Variants in ARHGAP26 observed in about 807,000 individuals in gnomAD.
ARHGAP26 encodes the protein rho GTPase-activating protein 26.
Under a neutral mutation model 104.8 loss-of-function variants are expected in ARHGAP26, and 38 were observed. The observed-to-expected ratio is 0.36, with a 90% CI of 0.28 to 0.48. The LOEUF (loss-of-function observed/expected upper bound fraction) is 0.48, where lower values mean the gene tolerates loss of function less well. ARHGAP26 is among the 20% of genes least tolerant of loss of function. The pLI, the probability that ARHGAP26 is intolerant of heterozygous loss-of-function variation, is 0.99. For missense variants in ARHGAP26, 704 were observed against 947.9 expected, an observed-to-expected ratio of 0.74 and a Z score of 3.38; for synonymous variants, 341 against 340.0, an observed-to-expected ratio of 1.00 and a Z score of -0.03.
intron 1 of ARHGAP26, among the ~76,000 whole-genome samples, chr5:142,870,635 T>A (rs567213474): frequency 1.3e-5 from 2 of 152,374 alleles, no homozygotes; most frequent in Admixed American, 1.3e-4. Flanking sequence ...CAGCTATACC[T>A]AGAACTGAGT....
At chr5:143,165,546 T>C (rs1801818036) in intron 20 of ARHGAP26, 2 of 152,294 alleles carry the variant, frequency 1.3e-5, no homozygotes, top group South Asian at 4.1e-4. Context: ...TATTAGTTGT[T>C]TTACAATGAT....
intron 20 of ARHGAP26, among the ~76,000 whole-genome samples, chr5:143,194,613 G>A (rs1806489827): frequency 6.6e-6 from 1 of 151,626 alleles, no homozygotes; most frequent in East Asian, 1.9e-4. Context: ...ATTGTGTTTT[G>A]CCATGTCCAT....
intron 1 of ARHGAP26, among the ~76,000 whole-genome samples, chr5:142,843,752 A>G (rs1457979189): frequency 6.6e-6 from 1 of 152,198 alleles, no homozygotes; most frequent in Non-Finnish European, 1.5e-5. Flanking sequence ...AATCTCTCAT[A>G]ACCTCTACCT....
rs980674649 is a variant in ARHGAP26, at chr5:143,085,419, G to A, written c.1538+27672G>A. Among the ~76,000 whole-genome samples the A allele has an allele frequency of 7.2e-5, 11 of 152,098 alleles. 1 individual carries two copies. The highest frequency in any genetic ancestry group is 2.4e-4 in the African/African-American group (10 of 41,414). ...GAGAAATTAGTTGAGAAAAAAGAGG[G>A]GGACAAGAGGGAAGAGAGTTCCAGT... On this transcript the variant is annotated intron_variant, in intron 17 of 22. Transcript: ENST00000645722.
intron 10 of ARHGAP26, among the ~76,000 whole-genome samples, chr5:142,924,559 A>C (rs78719557): frequency 0.03 from 4,581 of 152,302 alleles, 84 homozygotes; most frequent in South Asian, 0.056. Flanking sequence ...CACATAATAA[A>C]CACTCAGTAA....
chr5:143,079,903 C>T (rs1010496570), intron 17 of ARHGAP26, among the ~76,000 whole-genome samples: 2 of 152,166 alleles, frequency 1.3e-5, no homozygotes, highest in African/African-American at 4.8e-5. Context: ...CATGTTGCCT[C>T]ACATGGTCTT....
intron 1 of ARHGAP26, among the ~76,000 whole-genome samples, chr5:142,855,407 A>G (rs796854524): frequency 2.0e-5 from 3 of 152,260 alleles, no homozygotes; most frequent in African/African-American, 7.2e-5. Context: ...CCACTTAAGG[A>G]GGCTCTCGTA....
At chr5:142,956,310 T>C (rs539827919) in intron 11 of ARHGAP26, among the ~76,000 whole-genome samples, 441 of 152,258 alleles carry the variant, frequency 2.9e-3, no homozygotes, top group Non-Finnish European at 5.3e-3. Flanking sequence ...GCACAGTGGC[T>C]CATGCCTGTA....
chr5:142,822,668 C>T (rs1357108875), intron 1 of ARHGAP26, among the ~76,000 whole-genome samples: 1 of 152,004 alleles, frequency 6.6e-6, no homozygotes, highest in Non-Finnish European at 1.5e-5. Flanking sequence ...ACACACCATA[C>T]ATATATGTAT....
rs1008897096 is a variant in ARHGAP26 at position 143,225,311 on chromosome 5, C to T, written c.*2865C>T. The T allele has an allele frequency of 2.2e-5, 4 of 182,078 alleles. No homozygotes were observed. The highest frequency in any genetic ancestry group is 2.0e-4 in the South Asian group (1 of 5,068). 11.3% of individuals were successfully genotyped at this position (182,078 alleles called of 1,614,324 possible). ...CAAGTGATTCTCCTGTCTCAGCCTC[C>T]CAAGTAGCTGGGACTACAGGCATGA... On this transcript the variant is annotated 3_prime_UTR_variant, in exon 23 of 23. Coordinates refer to ENST00000645722, the MANE Select transcript of ARHGAP26 (RefSeq NM_001135608.3).
intron 17 of ARHGAP26, among the ~76,000 whole-genome samples, chr5:143,069,753 T>A (rs1046425547): frequency 6.6e-6 from 1 of 152,226 alleles, no homozygotes; most frequent in Non-Finnish European, 1.5e-5. Context: ...TTTCAGGTCT[T>A]GTTACAAATT....
At chr5:143,190,424 G>A (rs948107357) in intron 20 of ARHGAP26, among the ~76,000 whole-genome samples, 4 of 152,180 alleles carry the variant, frequency 2.6e-5, no homozygotes, top group African/African-American at 9.7e-5. Flanking sequence ...AGGAACATAA[G>A]AGGGAGGCTC....
chr5:143,214,608 A>G (rs1413369796), intron 22 of ARHGAP26, among the ~76,000 whole-genome samples: 1 of 152,200 alleles, frequency 6.6e-6, no homozygotes, highest in Non-Finnish European at 1.5e-5. Flanking sequence ...ATCTGTAAAC[A>G]CATTCCAGGC....
At chr5:142,954,499 T>C (rs1768891206) in intron 11 of ARHGAP26, among the ~76,000 whole-genome samples, 2 of 152,254 alleles carry the variant, frequency 1.3e-5, no homozygotes, top group South Asian at 4.1e-4. Flanking sequence ...TCCTGTTTTC[T>C]CTCCAGCTTT....
In ARHGAP26 at chr5:143,204,033, A is replaced by G. The variant is rs563038202; in HGVS notation, c.1989-3165A>G. On this transcript the variant is annotated intron_variant, in intron 20 of 22. Transcript: ENST00000645722. ...GTATATCTATGTAACAAACCTGCAC[A>G]TTCTGCACATGTATCCCAGAACTTA... 2.0e-5 allele frequency among the ~76,000 whole-genome samples: 3 copies of G among 151,774 alleles called. No individual in the cohort carries two copies. In the East Asian group the frequency reaches 5.8e-4, roughly 29 times the overall value.
chr5:143,216,519 G>A (rs1810375113), intron 22 of ARHGAP26: 2 of 319,680 alleles, frequency 6.3e-6, no homozygotes, highest in Non-Finnish European at 1.2e-5. Flanking sequence ...ACTATGACCT[G>A]CCCGTCAAAT....
At position 142,770,912 on chromosome 5, in the gene ARHGAP26, A is replaced by C; in HGVS notation, c.151A>C (p.Lys51Gln). 3.7e-6 allele frequency: 6 copies of C among 1,605,996 alleles called. No homozygotes were observed. Among genetic ancestry groups the C allele is most frequent in the Non-Finnish European group, 5.1e-6 (6 of 1,175,826 alleles). ...KDGKSLISAL[K>Q]NLSSAKRKFA... ...CGGGAAGTCACTCATAAGCGCGCTC[A>C]AGAGTGAGTGTCCCGAGCCCCTCGG... The change falls in exon 1 of 23, where the codon AAG becomes CAG. Residue 51 changes from lysine (K) to glutamine (Q), a missense_variant. By Grantham distance (53) the Lys-to-Gln change is moderately conservative. This residue lies in a region of ARHGAP26 where 77 missense variants were observed against 82.6 expected (regional missense o/e 0.93). Transcript: ENST00000645722.
At chr5:143,156,895 C>T (rs966085232) in intron 20 of ARHGAP26, among the ~76,000 whole-genome samples, 3 of 152,240 alleles carry the variant, frequency 2.0e-5, no homozygotes, top group Admixed American at 1.3e-4. Context: ...TCAGCTGCTT[C>T]GCAAATGCGT....
chr5:142,874,313 C>T (rs1755765897), intron 2 of ARHGAP26, among the ~76,000 whole-genome samples: 1 of 152,228 alleles, frequency 6.6e-6, no homozygotes, highest in South Asian at 2.1e-4. Context: ...CCTTGGTTGA[C>T]TCCATTAAAT....
Sources: allele counts gnomAD v4.1 joint callset (sites outside exome capture counted in the v4.1 genomes callset), GRCh38; gene constraint gnomAD v4.1.1; regional missense constraint gnomAD v4.1.1; transcripts MANE v1.5; gene names NCBI Gene and HGNC (gene_info 2026-07-23, HGNC 2026-07-21).